Variants in DYNC2I1 observed in about 807,000 individuals in gnomAD.
DYNC2I1 encodes cytoplasmic dynein 2 intermediate chain 1.
DYNC2I1 carries 89 observed loss-of-function variants against 133.4 expected under a neutral mutation model. The observed-to-expected ratio is 0.67, with a 90% CI of 0.56 to 0.80. The LOEUF (loss-of-function observed/expected upper bound fraction) is 0.80. Ranked by LOEUF, DYNC2I1 falls within the 30% of genes least tolerant of loss-of-function variation. The pLI is 0.00. For missense variants in DYNC2I1, 1,291 were observed against 1,314.5 expected (o/e 0.98, Z 0.28); for synonymous variants, 504 against 484.3 (o/e 1.04, Z -0.54).
chr7:158,957,122 T>C (rs1852218933), downstream of DYNC2I1, among the ~76,000 whole-genome samples: 1 of 152,228 alleles, frequency 6.6e-6, no homozygotes, highest in African/African-American at 2.4e-5. Flanking sequence ...TTTAATCACA[T>C]TCAGTGGAGG....
chr7:158,947,579 A>G (rs940402930), downstream of DYNC2I1, among the ~76,000 whole-genome samples: 1 of 152,150 alleles, frequency 6.6e-6, no homozygotes, highest in Non-Finnish European at 1.5e-5. Context: ...GCTCAAGGGA[A>G]TCCAGGGAGT....
intron 23 of DYNC2I1, 95 bp downstream of exon 23, chr7:158,934,644 G>A (rs1020222694): frequency 1.8e-5 from 23 of 1,306,846 alleles, no homozygotes; most frequent in Non-Finnish European, 2.3e-5. Flanking sequence ...GCAGTGATGT[G>A]GTCATAGCTC....
intron 14 of DYNC2I1, among the ~76,000 whole-genome samples, chr7:158,917,560 C>T (rs954746908): frequency 8.0e-6 from 1 of 125,068 alleles, no homozygotes; most frequent in African/African-American, 3.3e-5. Flanking sequence ...CTCCACCCTC[C>T]GCCTCTCGCT....
chr7:158,843,861 G>C, the DYNC2I1 span, among the ~76,000 whole-genome samples: 1 of 152,070 alleles, frequency 6.6e-6, no homozygotes, highest in Non-Finnish European at 1.5e-5. Flanking sequence ...AGAGGGTTTT[G>C]GGAACTTTAA....
At chr7:158,953,493 T>C (rs1287175815) in intron 4 of DYNC2I1, among the ~76,000 whole-genome samples, 1 of 152,202 alleles carries the variant, frequency 6.6e-6, no homozygotes, top group Non-Finnish European at 1.5e-5. Flanking sequence ...ATATAACCTA[T>C]CATAATCCCA....
rs538073670 is a variant in DYNC2I1 at position 158,890,067 on chromosome 7, C to T, written c.991-1198C>T. Among the ~76,000 whole-genome samples, 22 of 150,646 alleles carry T rather than the reference C, an allele frequency of 1.5e-4. No individual in the cohort carries two copies. In the East Asian group the frequency reaches 3.7e-3, roughly 25 times the overall value. On this transcript the variant is annotated intron_variant, in intron 7 of 24. Transcript: ENST00000407559. ...CTTGCTCTGTTGCCCAGGCTGGTCTCGAACTTCTGGGCTCAAGTGATCCTC... is the reference window on the plus strand; with the variant it reads ...CTTGCTCTGTTGCCCAGGCTGGTCTTGAACTTCTGGGCTCAAGTGATCCTC...
At chr7:158,865,979 G>A (rs183062616) in intron 1 of DYNC2I1, among the ~76,000 whole-genome samples, 26 of 152,314 alleles carry the variant, frequency 1.7e-4, no homozygotes, top group Non-Finnish European at 3.2e-4. Flanking sequence ...AGTATTCTGT[G>A]CATTTAAGAA....
chr7:158,926,694 G>A (rs928481302), intron 19 of DYNC2I1, among the ~76,000 whole-genome samples: 15 of 152,222 alleles, frequency 9.9e-5, no homozygotes, highest in East Asian at 3.9e-4. Context: ...TTGGGAACGC[G>A]GAATGAAAGT....
intron 21 of DYNC2I1, among the ~76,000 whole-genome samples, chr7:158,930,995 G>A (rs1169376074): frequency 6.6e-6 from 1 of 152,152 alleles, no homozygotes; most frequent in African/African-American, 2.4e-5. Flanking sequence ...ATGAGTGAAT[G>A]TAATAAATGC....
the DYNC2I1 span, among the ~76,000 whole-genome samples, chr7:158,849,250 AAAT>A: frequency 2.6e-5 from 4 of 152,234 alleles, no homozygotes; most frequent in African/African-American, 9.6e-5. Flanking sequence ...TGAGATGTTT[AAAT>A]AAGTTTTATG....
intron 17 of DYNC2I1, among the ~76,000 whole-genome samples, chr7:158,924,916 C>T (rs936515275): frequency 5.3e-5 from 8 of 152,064 alleles, no homozygotes; most frequent in Admixed American, 1.3e-4. Context: ...CACCAGTGCT[C>T]GGCTAATTTC....
rs1397173437 is a variant in DYNC2I1, at chr7:158,927,059, A to G, written c.2485+16A>G. 5 of 1,563,940 alleles carry G rather than the reference A, an allele frequency of 3.2e-6. No homozygotes were observed. The highest frequency in any genetic ancestry group is 4.3e-6 in the Non-Finnish European group (5 of 1,149,472). ...AGTGATTTAGGTAACTATTAAGTAA[A>G]AAAATTAATTTTAGTGTTTTCTAAA... On this transcript the variant is annotated intron_variant, in intron 20 of 24. Coordinates refer to ENST00000407559, the MANE Select transcript of DYNC2I1 (RefSeq NM_018051.5).
intron 14 of DYNC2I1, among the ~76,000 whole-genome samples, chr7:158,915,567 T>C (rs1848058859): frequency 6.6e-6 from 1 of 152,034 alleles, no homozygotes; most frequent in African/African-American, 2.4e-5. Context: ...AGGATGATTG[T>C]GAAACCTCGA....
chr7:158,948,766 G>A (rs1042124536), downstream of DYNC2I1, among the ~76,000 whole-genome samples: 1 of 152,168 alleles, frequency 6.6e-6, no homozygotes, highest in Non-Finnish European at 1.5e-5. Flanking sequence ...GAGTCAAGAG[G>A]GGGGTCCAGT....
At chr7:158,883,929 G>A (rs1844330279) in intron 5 of DYNC2I1, among the ~76,000 whole-genome samples, 1 of 151,680 alleles carries the variant, frequency 6.6e-6, no homozygotes, top group South Asian at 2.1e-4. Context: ...CTCCCAAAGT[G>A]CTGGGATTAC....
At chr7:158,915,550 GAGATTAAGGATGATTGTGAA>G (rs1848054561) in intron 14 of DYNC2I1, among the ~76,000 whole-genome samples, 2 of 151,914 alleles carry the variant, frequency 1.3e-5, no homozygotes, top group African/African-American at 4.8e-5. Flanking sequence ...CACGGTGGTT[GAGATTAAGGATGATTGTGAA>G]ACCTCGACAC....
chr7:158,869,965 G>C, intron 2 of DYNC2I1, 57 bp downstream of exon 2: 1 of 1,485,526 alleles, frequency 6.7e-7, no homozygotes, highest in Non-Finnish European at 9.3e-7. Context: ...GGTTTTCTTG[G>C]ACCTGCTTTA....
chr7:158,899,758 AG>A (rs1378953847), intron 8 of DYNC2I1, among the ~76,000 whole-genome samples: 2 of 152,126 alleles, frequency 1.3e-5, no homozygotes, highest in Non-Finnish European at 2.9e-5. Context: ...ACCACGTTCA[AG>A]AAGTGCCTTT....
At chr7:158,861,899 A>G (rs1841897900) in intron 1 of DYNC2I1, among the ~76,000 whole-genome samples, 1 of 152,224 alleles carries the variant, frequency 6.6e-6, no homozygotes, top group African/African-American at 2.4e-5. Flanking sequence ...CAGTCAAGTA[A>G]TAGAATGAAG....
Sources: gnomAD v4.1 joint callset for allele counts (sites outside exome capture counted in the v4.1 genomes callset) on GRCh38, gnomAD v4.1.1 for gene constraint, MANE v1.5 for transcripts, NCBI Gene and HGNC (gene_info 2026-07-23, HGNC 2026-07-21) for gene names.